The following PLCE1 variants were observed in gnomAD, a reference collection of about 807,000 sequenced individuals.
The protein encoded by PLCE1 is phospholipase C epsilon 1.
Under a neutral mutation model 242.8 loss-of-function variants are expected in PLCE1, and 119 were observed. The ratio of observed to expected loss-of-function variants is 0.49; its 90% confidence interval spans 0.42 to 0.57. The LOEUF is 0.57. Ranked by LOEUF, PLCE1 falls within the 20% of genes least tolerant of loss-of-function variation. The pLI, the probability that PLCE1 is intolerant of heterozygous loss-of-function variation, is 0.00. For synonymous variants in PLCE1, 945 were observed against 1,017.4 expected, an observed-to-expected ratio of 0.93 and a Z score of 1.35; for missense variants, 2,441 against 2,788.8, an observed-to-expected ratio of 0.88 and a Z score of 2.81.
At chr10:94,175,653 A>T (rs772856509) in intron 4 of PLCE1, among the ~76,000 whole-genome samples, 37 of 152,022 alleles carry the variant, frequency 2.4e-4, no homozygotes, top group Non-Finnish European at 4.9e-4. Flanking sequence ...CAAATACTAG[A>T]TCTTACATTT....
rs139088091 is a variant in PLCE1 at position 94,166,353 on chromosome 10, A to G, written c.1493-4827A>G. Among the ~76,000 whole-genome samples, 3 of 152,332 alleles carry G rather than the reference A, an allele frequency of 2.0e-5. No individual in the cohort carries two copies. In the East Asian group the frequency reaches 5.8e-4, roughly 29 times the overall value. On this transcript the variant is annotated intron_variant, in intron 3 of 32. Coordinates refer to ENST00000371380, the MANE Select transcript of PLCE1 (RefSeq NM_016341.4). ...AAAATTTTGTTTTGCCTCTCAAGAA[A>G]GCTTGTGCCCATTTCACCACCCCTC...
intron 2 of PLCE1, among the ~76,000 whole-genome samples, chr10:94,123,134 A>G (rs1031880240): frequency 1.3e-5 from 2 of 152,192 alleles, no homozygotes; most frequent in Non-Finnish European, 2.9e-5. Context: ...TTAAGGTGTC[A>G]TTGGATCACC....
chr10:94,151,451 G>A (rs1040654361), intron 3 of PLCE1, among the ~76,000 whole-genome samples: 2 of 152,180 alleles, frequency 1.3e-5, no homozygotes, highest in African/African-American at 4.8e-5. Flanking sequence ...TTTTGGTCCT[G>A]GGGAAATGAA....
chr10:94,212,601 G>T (rs983466773), intron 4 of PLCE1, among the ~76,000 whole-genome samples: 2 of 152,096 alleles, frequency 1.3e-5, no homozygotes, highest in African/African-American at 4.8e-5. Context: ...CTGTTGGTCA[G>T]TCTGGTCTCA....
At chr10:94,229,206 A>AAC (rs1226061681) in intron 5 of PLCE1, among the ~76,000 whole-genome samples, 1 of 151,606 alleles carries the variant, frequency 6.6e-6, no homozygotes, top group Non-Finnish European at 1.5e-5. Flanking sequence ...ACAAACAAAA[A>AAC]AAAACAGAAA....
chr10:94,090,231 C>T (rs2045010538), intron 2 of PLCE1, among the ~76,000 whole-genome samples: 1 of 152,014 alleles, frequency 6.6e-6, no homozygotes. Context: ...TTTTGTTTCT[C>T]TGTATTTGGC....
At chr10:94,177,805 AT>A (rs1263215854) in intron 4 of PLCE1, among the ~76,000 whole-genome samples, 2 of 152,144 alleles carry the variant, frequency 1.3e-5, no homozygotes, top group Non-Finnish European at 2.9e-5. Flanking sequence ...TTTATAGACA[AT>A]TTTACCAAAA....
At chr10:94,160,005 A>T (rs1005664104) in intron 3 of PLCE1, among the ~76,000 whole-genome samples, 2 of 152,120 alleles carry the variant, frequency 1.3e-5, no homozygotes, top group East Asian at 1.9e-4. Flanking sequence ...CATTTTCTTA[A>T]TCTGGTCTAT....
intron 7 of PLCE1, among the ~76,000 whole-genome samples, chr10:94,237,302 G>A (rs1042841503): frequency 6.6e-6 from 1 of 152,168 alleles, no homozygotes; most frequent in African/African-American, 2.4e-5. Context: ...CTGGGGCTGT[G>A]TGTGTATGTC....
chr10:94,202,189 A>G (rs1475958664), intron 4 of PLCE1, among the ~76,000 whole-genome samples: 1 of 152,252 alleles, frequency 6.6e-6, no homozygotes, highest in Non-Finnish European at 1.5e-5. Context: ...ATATGTCCAC[A>G]TGATAAATGT....
At chr10:94,185,316 G>A (rs1483095680) in intron 4 of PLCE1, among the ~76,000 whole-genome samples, 1 of 152,244 alleles carries the variant, frequency 6.6e-6, no homozygotes, top group African/African-American at 2.4e-5. Context: ...CTAATAGGGT[G>A]AAACCCTGTC....
intron 2 of PLCE1, among the ~76,000 whole-genome samples, chr10:94,114,542 C>T (rs1287180265): frequency 2.0e-5 from 3 of 152,224 alleles, no homozygotes; most frequent in Non-Finnish European, 2.9e-5. Context: ...AAGATCTGCT[C>T]TGTTCTAACT....
At chr10:94,233,267 C>T (rs1244632917) in intron 5 of PLCE1, among the ~76,000 whole-genome samples, 1 of 152,180 alleles carries the variant, frequency 6.6e-6, no homozygotes, top group East Asian at 1.9e-4. Flanking sequence ...GGGCTGGTGG[C>T]TTCATGTCAA....
chr10:94,160,315 C>G (rs1261819682), intron 3 of PLCE1, among the ~76,000 whole-genome samples: 2 of 152,170 alleles, frequency 1.3e-5, no homozygotes, highest in Non-Finnish European at 2.9e-5. Context: ...GCCATTCTAA[C>G]TGGTATGAGA....
In PLCE1 at chr10:94,142,493, G is replaced by A. The variant is rs80264585; in HGVS notation, c.1492+10034G>A. Among the ~76,000 whole-genome samples, 696 of 152,172 alleles carry A rather than the reference G, an allele frequency of 4.6e-3. 18 individuals are homozygous for A. In the East Asian group the frequency reaches 0.081, roughly 18 times the overall value. ...ATGATCCTGCCACTGCACTCTGTCC[G>A]CCTAGGTGATGGAGCGAGACTCTCT... On this transcript the variant is annotated intron_variant, in intron 3 of 32. Transcript: ENST00000371380.
Position 94,324,476 on chromosome 10 carries a change from G to A in PLCE1, c.6629G>A (p.Arg2210Gln), listed in dbSNP as rs953372406. The change falls in exon 31 of 33, where the codon CGG (arginine) becomes CAG (glutamine). Residue 2210 changes from arginine to glutamine, a missense_variant. Coordinates refer to ENST00000371380, the MANE Select transcript of PLCE1 (RefSeq NM_016341.4). ...ACTACCACACCAAAGTCCTCTCAGC[G>A]GGTCCTTCTGGATCAGGAGTGTGTG... is the stretch of plus-strand genomic sequence containing the variant. ...KKTTTPKSSQRVLLDQECVFQ... is the reference protein window; with the variant it reads ...KKTTTPKSSQQVLLDQECVFQ... 10 of 1,614,036 alleles carry A rather than the reference G, an allele frequency of 6.2e-6. No homozygotes were observed. The highest frequency in any genetic ancestry group is 2.5e-6 in the Non-Finnish European group (3 of 1,180,024).
At chr10:94,187,007 T>A (rs1036537727) in intron 4 of PLCE1, among the ~76,000 whole-genome samples, 1 of 152,116 alleles carries the variant, frequency 6.6e-6, no homozygotes. Flanking sequence ...ATTTTACAAA[T>A]AACAAAACTG....
chr10:94,192,130 A>G (rs1050477955), intron 4 of PLCE1, among the ~76,000 whole-genome samples: 1 of 152,262 alleles, frequency 6.6e-6, no homozygotes, highest in Non-Finnish European at 1.5e-5. Context: ...CATATCCGTC[A>G]CCTCAAATGC....
rs138137344 is a variant in PLCE1, at chr10:94,207,223, G to A, written c.1810-20083G>A. Among the ~76,000 whole-genome samples, 634 of 152,278 alleles carry A rather than the reference G, an allele frequency of 4.2e-3. 9 individuals are homozygous for A. The highest frequency in any genetic ancestry group is 0.015 in the African/African-American group (606 of 41,554). On this transcript the variant is annotated intron_variant, in intron 4 of 32. Transcript: ENST00000371380. ...CACGTCAGGAGCGTGCCCCCAGCATGCAAGGATGCAGAATGGAGAAGGGGA... is the reference window on the plus strand; with the variant it reads ...CACGTCAGGAGCGTGCCCCCAGCATACAAGGATGCAGAATGGAGAAGGGGA...
Sources: allele counts gnomAD v4.1 joint callset (sites outside exome capture counted in the v4.1 genomes callset), GRCh38; gene constraint gnomAD v4.1.1; transcripts MANE v1.5; gene names NCBI Gene and HGNC (gene_info 2026-07-23, HGNC 2026-07-21).